The following PCDH11X variants were observed in gnomAD, a reference collection of about 807,000 sequenced individuals.
PCDH11X encodes the protein protocadherin-11 X-linked.
In PCDH11X, 18 loss-of-function variants were observed where a neutral mutation model predicts 53.3. The observed-to-expected ratio is 0.34, with a 90% CI of 0.23 to 0.50. PCDH11X has a LOEUF of 0.50. Among genes scored for constraint, PCDH11X ranks in the 20% least tolerant of loss-of-function variants. The pLI, the probability that PCDH11X is intolerant of heterozygous loss-of-function variation, is 0.98. For missense variants in PCDH11X, 570 were observed against 1,032.4 expected, an observed-to-expected ratio of 0.55 and a Z score of 6.14; for synonymous variants, 279 against 393.3, an observed-to-expected ratio of 0.71 and a Z score of 3.44.
chrX:92,281,077 G>A (rs988867961), intron 8 of PCDH11X, among the ~76,000 whole-genome samples: 5 of 111,031 alleles, frequency 4.5e-5, no homozygotes, highest in Non-Finnish European at 7.5e-5. Context: ...ATAAATGAAT[G>A]AGGGCCCTTT....
rs190334552 is a variant in PCDH11X, at chrX:91,827,245, G to A, written c.-44-8216G>A. 6.6e-4 allele frequency among the ~76,000 whole-genome samples: 74 copies of A among 111,527 alleles called. 1 individual carries two copies. The highest frequency in any genetic ancestry group is 2.3e-3 in the African/African-American group (69 of 30,658). On this transcript the variant is annotated intron_variant, in intron 4 of 10. Coordinates refer to ENST00000682573, the MANE Select transcript of PCDH11X (RefSeq NM_032968.5). ...TGAGCTTTTTTTCATATGCTTGCTG[G>A]CCACATGTAAGTCTTCTTTTGAAAA... is the stretch of plus-strand genomic sequence containing the variant.
chrX:92,041,454 C>T (rs2063207991), intron 6 of PCDH11X, among the ~76,000 whole-genome samples: 1 of 110,856 alleles, frequency 9.0e-6, no homozygotes, highest in Non-Finnish European at 1.9e-5. Context: ...ACTGACTATT[C>T]AAACATGTAG....
In PCDH11X at chrX:91,970,097, T is replaced by G. The variant is rs186038516; in HGVS notation, c.3033+90824T>G. ...CAGCGTATCCAGAGTTGTTCGTTCC[T>G]CCTGGTGGGTTCACAATCTCGCTGG... On this transcript the variant is annotated intron_variant, in intron 6 of 10. Transcript: ENST00000682573. 4.5e-5 allele frequency among the ~76,000 whole-genome samples: 5 copies of G among 111,361 alleles called. No individual in the cohort carries two copies. The East Asian group carries it at 1.4e-3, about 32-fold the overall frequency.
At chrX:92,186,267 A>T (rs7889165) in intron 6 of PCDH11X, among the ~76,000 whole-genome samples, 3,184 of 112,059 alleles carry the variant, frequency 0.028, 103 homozygotes, top group African/African-American at 0.097. Context: ...AGAAATAGGC[A>T]CATATGAGAG....
At chrX:92,032,385 G>A (rs2063065190) in intron 6 of PCDH11X, among the ~76,000 whole-genome samples, 1 of 111,019 alleles carries the variant, frequency 9.0e-6, no homozygotes, top group African/African-American at 3.3e-5. Context: ...TTCTTGTGGG[G>A]TCCTTAGGTT....
intron 6 of PCDH11X, among the ~76,000 whole-genome samples, chrX:92,147,839 C>CTTTCTTTCTTTCTT (rs2065306050): frequency 1.0e-5 from 1 of 96,152 alleles, no homozygotes; most frequent in African/African-American, 4.1e-5. Context: ...TTCTTTCTTT[C>CTTTCTTTCTTTCTT]TTTCTTTCTT....
chrX:92,109,154 G>A (rs1010913388), intron 6 of PCDH11X, among the ~76,000 whole-genome samples: 10 of 111,336 alleles, frequency 9.0e-5, no homozygotes, highest in African/African-American at 3.3e-4. Flanking sequence ...GGAGGCCGAG[G>A]CAGGTGGATC....
At chrX:92,527,659 C>A (rs775244528) in intron 10 of PCDH11X, among the ~76,000 whole-genome samples, 12 of 110,924 alleles carry the variant, frequency 1.1e-4, no homozygotes, top group African/African-American at 3.9e-4. Context: ...ATTTATCAGA[C>A]CCTAAAGCTA....
At chrX:91,789,035 T>C (rs1371145835) in intron 1 of PCDH11X, among the ~76,000 whole-genome samples, 1 of 107,130 alleles carries the variant, frequency 9.3e-6, no homozygotes, top group Non-Finnish European at 1.9e-5. Context: ...CCGTCTCTAC[T>C]AAAAAAAATT....
chrX:91,789,033 A>G, intron 1 of PCDH11X, among the ~76,000 whole-genome samples: 1 of 108,070 alleles, frequency 9.3e-6, no homozygotes, highest in African/African-American at 3.4e-5. Context: ...CCCCGTCTCT[A>G]CTAAAAAAAA....
chrX:92,589,909 G>A (rs765612209), intron 10 of PCDH11X, among the ~76,000 whole-genome samples: 2 of 111,759 alleles, frequency 1.8e-5, no homozygotes, highest in African/African-American at 6.5e-5. Flanking sequence ...CTGCTGAGGC[G>A]CAGACATGAA....
intron 4 of PCDH11X, among the ~76,000 whole-genome samples, chrX:91,821,567 T>A (rs1936683834): frequency 6.5e-5 from 7 of 108,462 alleles, no homozygotes; most frequent in Admixed American, 5.9e-4. Context: ...CTTAAGGAGA[T>A]TTTGGGCTGA....
At chrX:91,808,492 C>T (rs1216530674) in intron 1 of PCDH11X, among the ~76,000 whole-genome samples, 19 of 86,640 alleles carry the variant, frequency 2.2e-4, no homozygotes, top group African/African-American at 1.0e-3. Flanking sequence ...TAGACTCTGT[C>T]TCAAGAAAAA....
At chrX:92,072,831 C>T (rs1358092018) in intron 6 of PCDH11X, among the ~76,000 whole-genome samples, 1 of 111,228 alleles carries the variant, frequency 9.0e-6, no homozygotes, top group Non-Finnish European at 1.9e-5. Flanking sequence ...CCACTCTGTT[C>T]ACTGGCTCTA....
intron 9 of PCDH11X, among the ~76,000 whole-genome samples, chrX:92,452,336 T>A (rs1432884942): frequency 1.0e-5 from 1 of 98,240 alleles, no homozygotes; most frequent in East Asian, 3.2e-4. Context: ...TTGAACTCTC[T>A]GTAAGAAAGA....
At chrX:92,184,708 A>G (rs1184356293) in intron 6 of PCDH11X, among the ~76,000 whole-genome samples, 1 of 111,220 alleles carries the variant, frequency 9.0e-6, no homozygotes, top group Non-Finnish European at 1.9e-5. Context: ...TTTTCAATAG[A>G]GGCACCAAGA....
At chrX:92,517,220 G>C (rs1181194415) in intron 10 of PCDH11X, among the ~76,000 whole-genome samples, 3 of 111,129 alleles carry the variant, frequency 2.7e-5, no homozygotes, top group Non-Finnish European at 5.7e-5. Flanking sequence ...GCAATTGTCT[G>C]TGCATTTAAA....
At chrX:92,084,561 G>A (rs1341315451) in intron 6 of PCDH11X, among the ~76,000 whole-genome samples, 3 of 105,428 alleles carry the variant, frequency 2.8e-5, no homozygotes, top group Admixed American at 1.0e-4. Context: ...AAAAGAAATA[G>A]TCTAATATTA....
intron 6 of PCDH11X, among the ~76,000 whole-genome samples, chrX:92,192,450 C>A (rs964155167): frequency 8.1e-5 from 9 of 110,989 alleles, no homozygotes; most frequent in Admixed American, 1.9e-4. Context: ...TCAAGCGATT[C>A]TCCTGCCTCA....
Sources: gnomAD v4.1 joint callset for allele counts (sites outside exome capture counted in the v4.1 genomes callset) on GRCh38, gnomAD v4.1.1 for gene constraint, MANE v1.5 for transcripts, NCBI Gene and HGNC (gene_info 2026-07-23, HGNC 2026-07-21) for gene names.